Variants in FOXJ3 observed in about 807,000 individuals in gnomAD.
FOXJ3 encodes the protein forkhead box J3, also known as forkhead box protein J3.
A neutral mutation model predicts 76.1 loss-of-function variants in FOXJ3; 22 were observed. The ratio of observed to expected loss-of-function variants is 0.29; its 90% CI spans 0.21 to 0.41. The LOEUF is 0.41. Ranked by LOEUF, FOXJ3 falls within the 10% of genes least tolerant of loss-of-function variation. The pLI, the probability that FOXJ3 is intolerant of heterozygous loss-of-function variation, is 1.00. For missense variants in FOXJ3, 613 were observed against 762.1 expected (o/e 0.80, Z 2.30); for synonymous variants, 269 against 261.2 (o/e 1.03, Z -0.29).
intron 11 of FOXJ3, among the ~76,000 whole-genome samples, chr1:42,187,568 A>G (rs561952392): frequency 2.2e-4 from 34 of 152,234 alleles, no homozygotes; most frequent in Admixed American, 2.6e-4. Context: ...AAGATTTTAA[A>G]AAAAGAAATG....
intron 1 of FOXJ3, among the ~76,000 whole-genome samples, chr1:42,319,160 G>A (rs1361707746): frequency 1.3e-5 from 2 of 152,166 alleles, no homozygotes; most frequent in African/African-American, 4.8e-5. Flanking sequence ...GGCCCAAGAG[G>A]TGGAGGCTGC....
chr1:42,182,347 T>C (rs1387645268), intron 11 of FOXJ3, among the ~76,000 whole-genome samples: 1 of 152,216 alleles, frequency 6.6e-6, no homozygotes, highest in Non-Finnish European at 1.5e-5. Context: ...TTACTTCATC[T>C]GACCCTCCCA....
At chr1:42,235,190 G>C (rs973628798) in intron 4 of FOXJ3, among the ~76,000 whole-genome samples, 3 of 152,190 alleles carry the variant, frequency 2.0e-5, no homozygotes, top group Non-Finnish European at 4.4e-5. Flanking sequence ...GTGGGCGTAG[G>C]ACCCTCCGAG....
At chr1:42,290,352 T>C (rs895414254) in intron 2 of FOXJ3, among the ~76,000 whole-genome samples, 23 of 152,150 alleles carry the variant, frequency 1.5e-4, no homozygotes, top group African/African-American at 4.8e-4. Flanking sequence ...AAACAGACCT[T>C]CTGTTGTAAC....
chr1:42,227,357 A>G (rs1310528372), intron 5 of FOXJ3, among the ~76,000 whole-genome samples: 2 of 152,270 alleles, frequency 1.3e-5, no homozygotes, highest in Non-Finnish European at 2.9e-5. Context: ...GATATTAACT[A>G]TAGTTCCTTT....
At chr1:42,276,588 A>T (rs565987471) in intron 3 of FOXJ3, among the ~76,000 whole-genome samples, 7 of 152,288 alleles carry the variant, frequency 4.6e-5, no homozygotes, top group Admixed American at 2.6e-4. Flanking sequence ...GAGGAAAAAA[A>T]ATTGGTCTCA....
chr1:42,225,325 C>T (rs554015356), intron 5 of FOXJ3, among the ~76,000 whole-genome samples: 1 of 152,014 alleles, frequency 6.6e-6, no homozygotes, highest in African/African-American at 2.4e-5. Flanking sequence ...CACTATTTGC[C>T]CTAGGCATTT....
At chr1:42,335,679 C>G (rs911933849), upstream of FOXJ3, 1 of 152,158 alleles carries the variant, frequency 6.6e-6, no homozygotes, top group Admixed American at 6.5e-5. Context: ...CCTTTTCCGA[C>G]CTGGCACACC....
At chr1:42,321,622 C>T (rs1280773574) in intron 1 of FOXJ3, among the ~76,000 whole-genome samples, 1 of 152,154 alleles carries the variant, frequency 6.6e-6, no homozygotes, top group Non-Finnish European at 1.5e-5. Context: ...GACAGTATGA[C>T]TTTTGCTCTC....
intron 11 of FOXJ3, among the ~76,000 whole-genome samples, chr1:42,184,528 G>T (rs1462424392): frequency 6.6e-6 from 1 of 151,968 alleles, no homozygotes; most frequent in East Asian, 1.9e-4. Context: ...AATTTCCTAT[G>T]TAAGAAATTA....
At chr1:42,244,963 T>C (rs977251146) in intron 4 of FOXJ3, among the ~76,000 whole-genome samples, 1 of 152,050 alleles carries the variant, frequency 6.6e-6, no homozygotes, top group African/African-American at 2.4e-5. Context: ...GGGCAGATCA[T>C]GAGGTCAGGA....
chr1:42,221,697 A>G (rs939115258), intron 5 of FOXJ3, among the ~76,000 whole-genome samples: 2 of 151,652 alleles, frequency 1.3e-5, no homozygotes, highest in African/African-American at 4.8e-5. Flanking sequence ...CTGCGATTAC[A>G]GGCATGATCC....
chr1:42,222,991 C>A (rs1465400652), intron 5 of FOXJ3, among the ~76,000 whole-genome samples: 1 of 152,200 alleles, frequency 6.6e-6, no homozygotes, highest in African/African-American at 2.4e-5. Context: ...CCTTCCTCTG[C>A]ACACAATAGT....
intron 4 of FOXJ3, among the ~76,000 whole-genome samples, chr1:42,235,209 G>A (rs966199118): frequency 4.6e-5 from 7 of 152,190 alleles, no homozygotes; most frequent in South Asian, 2.1e-4. Context: ...AGCCAGGCAC[G>A]GGATATAATC....
intron 3 of FOXJ3, among the ~76,000 whole-genome samples, chr1:42,271,466 C>T (rs562236953): frequency 6.6e-6 from 1 of 152,106 alleles, no homozygotes; most frequent in African/African-American, 2.4e-5. Context: ...GTTTAAATTC[C>T]TAAATTTCTT....
intron 2 of FOXJ3, among the ~76,000 whole-genome samples, chr1:42,281,117 T>C (rs1482729081): frequency 6.6e-6 from 1 of 152,156 alleles, no homozygotes; most frequent in African/African-American, 2.4e-5. Context: ...TTTATAAGAA[T>C]CTCAGTAATA....
At chr1:42,246,916 G>C (rs891858071) in intron 4 of FOXJ3, among the ~76,000 whole-genome samples, 7 of 152,134 alleles carry the variant, frequency 4.6e-5, no homozygotes, top group Non-Finnish European at 7.4e-5. Context: ...AGTATGTTAA[G>C]CCAGGCACAG....
intron 11 of FOXJ3, 61 bp downstream of exon 11, chr1:42,188,676 G>A: frequency 2.6e-6 from 3 of 1,172,508 alleles, no homozygotes; most frequent in African/African-American, 1.6e-5. Context: ...GGTTAAGACA[G>A]TTACTAAATT....
At chr1:42,236,132 A>G (rs983937787) in intron 4 of FOXJ3, among the ~76,000 whole-genome samples, 3 of 152,240 alleles carry the variant, frequency 2.0e-5, no homozygotes, top group Admixed American at 2.0e-4. Context: ...CACTAGACTC[A>G]TGTGGAGCAA....
Sources: gnomAD v4.1 joint callset for allele counts (sites outside exome capture counted in the v4.1 genomes callset) on GRCh38, gnomAD v4.1.1 for gene constraint, MANE v1.5 for transcripts, NCBI Gene and HGNC (gene_info 2026-07-23, HGNC 2026-07-21) for gene names.